The following STAB1 variants were observed in gnomAD, a reference collection of about 807,000 sequenced individuals.
STAB1 encodes stabilin 1, also known as stabilin-1.
STAB1 carries 250 observed loss-of-function variants against 332.4 expected under a neutral mutation model. That is an observed-to-expected ratio of 0.75 (90% CI 0.68 to 0.84). STAB1 has a LOEUF of 0.84. Ranked by LOEUF, STAB1 falls within the 40% of genes least tolerant of loss-of-function variation. The probability of loss-of-function intolerance (pLI) is 0.00; values close to 1 mark genes in which losing one functional copy is unlikely to be tolerated. For synonymous variants in STAB1, 1,475 were observed against 1,390.4 expected (o/e 1.06, Z -1.35); for missense variants, 3,249 against 3,489.7 (o/e 0.93, Z 1.74).
Position 52,516,986 on chromosome 3 carries a change from G to A in STAB1, c.4366G>A (p.Val1456Met), listed in dbSNP as rs1352115870. ...YSGNGIFCSE[V>M]DPCAHGHGGC... ...ACTCTCTGGCCATCTCCCCTTAGAG[G>A]TGGACCCCTGCGCCCACGGCCATGG... The change falls in exon 42 of 69, where the codon GTG becomes ATG. Residue 1456 changes from valine (V) to methionine (M), a missense_variant and splice_region_variant. By Grantham distance (21) the Val-to-Met change is conservative (BLOSUM62 1). Transcript: ENST00000321725. The A allele has an allele frequency of 1.2e-6, 2 of 1,610,528 alleles. No homozygotes were observed. The highest frequency in any genetic ancestry group is 1.7e-5 in the Admixed American group (1 of 59,796).
rs143235979 is a variant in STAB1 at position 52,524,190 on chromosome 3, G to A, written c.7633G>A (p.Asp2545Asn). The change falls in exon 68 of 69, where the codon GAC (aspartate) becomes AAC (asparagine). Residue 2545 changes from aspartate to asparagine, a missense_variant. By Grantham distance (23) the Asp-to-Asn change is conservative. Transcript: ENST00000321725. ...VSVPNPVFGS[D>N]TFCEPFDDSL... ...TGTCCCCAACCCTGTCTTTGGCAGC[G>A]ACACCTTTTGTGAACCCTTCGATGT... is the stretch of plus-strand genomic sequence containing the variant. 1.2e-4 allele frequency: 195 copies of A among 1,613,988 alleles called. No homozygotes were observed. Among genetic ancestry groups the A allele is most frequent in the Middle Eastern group, 3.3e-4 (2 of 6,084 alleles).
intron 9 of STAB1, 40 bp from the exon 10 acceptor site, chr3:52,503,988 C>T: frequency 6.2e-7 from 1 of 1,609,130 alleles, no homozygotes; most frequent in Non-Finnish European, 8.5e-7. Flanking sequence ...GTGGGGGGGG[C>T]CTCAGCCTCC....
At chr3:52,509,080 AT>A in intron 21 of STAB1, 129 bp from the exon 22 acceptor site, 1 of 788,810 alleles carries the variant, frequency 1.3e-6, no homozygotes, top group South Asian at 1.9e-5. Flanking sequence ...GATTTTGAAG[AT>A]CCCTTCCAGG....
Position 52,504,472 on chromosome 3 carries a change from C to T in STAB1, c.1162C>T (p.Arg388Trp), listed in dbSNP as rs200617606. 3.8e-5 allele frequency: 62 copies of T among 1,614,020 alleles called. No homozygotes were observed. The highest frequency in any genetic ancestry group is 2.9e-4 in the African/African-American group (22 of 75,056). The stretch of plus-strand genomic sequence containing the variant: ...ACCCTGCCCCCCAGACCAGGGCTGC[C>T]GGGAAATCCTTACCACAGCGGGCCC... ...VAVAMMDQGCREILTTAGPFT... is the reference protein window; with the variant it reads ...VAVAMMDQGCWEILTTAGPFT... The change falls in exon 11 of 69, where the codon CGG becomes TGG. Residue 388 changes from arginine to tryptophan, a missense_variant. Coordinates refer to ENST00000321725, the MANE Select transcript of STAB1 (RefSeq NM_015136.3).
chr3:52,502,289 A>G, intron 5 of STAB1, 61 bp downstream of exon 5: 1 of 1,563,452 alleles, frequency 6.4e-7, no homozygotes, highest in Admixed American at 1.7e-5. Context: ...ACGCAGATGC[A>G]GTACCTACAA....
intron 6 of STAB1, 23 bp downstream of exon 6, chr3:52,502,750 C>T (rs1708546113): frequency 6.2e-7 from 1 of 1,603,018 alleles, no homozygotes; most frequent in Non-Finnish European, 8.5e-7. Flanking sequence ...ACTGGGATAG[C>T]CTAGGGCAGC....
rs758290585 is a variant in STAB1, at chr3:52,520,663, C to G, written c.5671C>G (p.Leu1891Val). The part of the protein sequence containing the change: ...LRLNTCSICG[L>V]EPPCPEGSQE... ...CCAGAACACCTGCAGCATCTGTGGG[C>G]TGGAGCCACCCTGTCCTGAGGGGTC... The change falls in exon 54 of 69, where the codon CTG (leucine) becomes GTG (valine). Residue 1891 changes from leucine (L) to valine (V), a missense_variant. Coordinates refer to ENST00000321725, the MANE Select transcript of STAB1 (RefSeq NM_015136.3). 6.3e-7 allele frequency: 1 copy of G among 1,588,588 alleles called. No homozygotes were observed. The highest frequency in any genetic ancestry group is 8.6e-7 in the Non-Finnish European group (1 of 1,168,650).
At chr3:52,497,016 T>A (rs997186204) in intron 1 of STAB1, among the ~76,000 whole-genome samples, 5 of 152,232 alleles carry the variant, frequency 3.3e-5, no homozygotes, top group Non-Finnish European at 7.3e-5. Context: ...ACTTTTTTTC[T>A]TTTGAGGTGG....
chr3:52,511,544 TG>T, intron 25 of STAB1, 105 bp from the exon 26 acceptor site: 3 of 1,021,760 alleles, frequency 2.9e-6, no homozygotes, highest in Non-Finnish European at 4.3e-6. Flanking sequence ...CTCTGGGGTC[TG>T]GGCAGACCTC....
At chr3:52,509,546 A>G in intron 22 of STAB1, 1 of 593,704 alleles carries the variant, frequency 1.7e-6, no homozygotes, top group African/African-American at 1.9e-5. Flanking sequence ...ATTTGAGAAC[A>G]GAAAGGAGAT....
In STAB1 at chr3:52,522,916, G is replaced by A. The variant is rs1189958165; in HGVS notation, c.6886G>A (p.Asp2296Asn). 6.2e-7 allele frequency: 1 copy of A among 1,613,210 alleles called. No individual in the cohort carries two copies. The highest frequency in any genetic ancestry group is 2.2e-5 in the East Asian group (1 of 44,892). ...CCGCAAGAACCTCTCAGAACGCTGG[G>A]ATGCCTACTGCTTCCGTGTGCAAGG... is the stretch of plus-strand genomic sequence containing the variant. Reference protein sequence around the residue: ...GARKNLSERWDAYCFRVQDVA... With the variant: ...GARKNLSERWNAYCFRVQDVA... The change falls in exon 62 of 69, where the codon GAT (aspartate) becomes AAT (asparagine). Residue 2296 changes from aspartate (D) to asparagine (N), a missense_variant. Transcript: ENST00000321725.
In STAB1 at chr3:52,495,426, C is replaced by G; in HGVS notation, c.13C>G (p.Arg5Gly). 4.5e-6 allele frequency: 6 copies of G among 1,341,414 alleles called. No individual in the cohort carries two copies. Among genetic ancestry groups the G allele is most frequent in the Non-Finnish European group, 5.8e-6 (6 of 1,039,540 alleles). 83.1% of individuals were successfully genotyped at this position (1,341,414 alleles called of 1,614,324 possible). ...GTGCCCACCAGCCATGGCGGGGCCC[C>G]GGGGCCTCCTCCCACTCTGCCTCCT... The part of the protein sequence containing the change: MAGP[R>G]GLLPLCLLAF... Residue 5 changes from arginine to glycine, a missense_variant, in exon 1 of 69, where the codon CGG becomes GGG. Physicochemically the swap from Arg to Gly is moderately radical, Grantham distance 125. Transcript: ENST00000321725.
At position 52,522,070 on chromosome 3, in the gene STAB1, GCA is replaced by G; in HGVS notation, c.6306_6307del (p.Cys2102TrpfsTer2). ...CTGTGCCAGGACGGGCATGGTGGCT[GCA>G]GTGAGCACGCCAACTGTAGCCAGGT... On this transcript the variant is annotated frameshift_variant, in exon 59 of 69. Coordinates refer to ENST00000321725, the MANE Select transcript of STAB1 (RefSeq NM_015136.3). LOFTEE classifies it high-confidence loss of function. 1.2e-6 allele frequency: 2 copies of G among 1,613,338 alleles called. No individual in the cohort carries two copies. The highest frequency in any genetic ancestry group is 1.7e-6 in the Non-Finnish European group (2 of 1,180,006).
At chr3:52,497,372 G>A (rs1398196783) in intron 1 of STAB1, among the ~76,000 whole-genome samples, 3 of 151,430 alleles carry the variant, frequency 2.0e-5, no homozygotes, top group South Asian at 4.2e-4. Flanking sequence ...AAGGTATACG[G>A]GAGGATGTGC....
rs567909081 is a variant in STAB1 at position 52,513,258 on chromosome 3, G to A, written c.3270+17G>A. 6.4e-7 allele frequency: 1 copy of A among 1,552,314 alleles called. No homozygotes were observed. The highest frequency in any genetic ancestry group is 1.4e-5 in the African/African-American group (1 of 73,712). ...ATTAGTGGGGTATGTGGTGAACTCT[G>A]GGCAGAAAAGGGGACCAGGTAGGGC... On this transcript the variant is annotated intron_variant, in intron 30 of 68. Coordinates refer to ENST00000321725, the MANE Select transcript of STAB1 (RefSeq NM_015136.3).
rs186550291 is a variant in STAB1, at chr3:52,496,509, C to G, written c.78+1018C>G. ...TTTCTCTTGGATGCCTGTGGTCCCT[C>G]AGAGAGGCAGCAGGGAGAAGGGCCT... On this transcript the variant is annotated intron_variant, in intron 1 of 68. Transcript: ENST00000321725. Among the ~76,000 whole-genome samples, 31 of 152,312 alleles carry G rather than the reference C, an allele frequency of 2.0e-4. 1 individual carries two copies. Among genetic ancestry groups the G allele is most frequent in the Admixed American group, 1.1e-3 (17 of 15,310 alleles).
At position 52,508,362 on chromosome 3, in the gene STAB1, G is replaced by A; in HGVS notation, c.2235+3G>A. ...ACCCCTGCTATGGCAAAGGCAATGT[G>A]AGTCCCATCCTCTCCTGGGGTGAGG... On this transcript the variant is annotated splice_donor_region_variant and intron_variant, in intron 21 of 68. Transcript: ENST00000321725. The A allele has an allele frequency of 1.2e-6, 2 of 1,613,570 alleles. No homozygotes were observed. The highest frequency in any genetic ancestry group is 1.7e-6 in the Non-Finnish European group (2 of 1,179,968).
In STAB1 at chr3:52,514,704, G is replaced by C. The variant is rs1363066498; in HGVS notation, c.3682G>C (p.Glu1228Gln). The change falls in exon 35 of 69, where the codon GAG (glutamate) becomes CAG (glutamine). Residue 1228 changes from glutamate to glutamine, a missense_variant. Coordinates refer to ENST00000321725, the MANE Select transcript of STAB1 (RefSeq NM_015136.3). The part of the protein sequence containing the change: ...IVFYNHSGQP[E>Q]VNHVPLEGPM... ...CAGCCTCCATCCCTCTCCCCAGCCT[G>C]AGGTGAACCATGTGCCACTGGAAGG... is the stretch of plus-strand genomic sequence containing the variant. 3 of 1,612,976 alleles carry C rather than the reference G, an allele frequency of 1.9e-6. No homozygotes were observed.
intron 45 of STAB1, 52 bp from the exon 46 acceptor site, chr3:52,518,260 C>T: frequency 6.2e-7 from 1 of 1,605,964 alleles, no homozygotes; most frequent in Non-Finnish European, 8.5e-7. Context: ...GGACAGGCAC[C>T]AGGCCCTGAA....
Sources: gnomAD v4.1 joint callset for allele counts (sites outside exome capture counted in the v4.1 genomes callset) on GRCh38, gnomAD v4.1.1 for gene constraint, MANE v1.5 for transcripts, NCBI Gene and HGNC (gene_info 2026-07-23, HGNC 2026-07-21) for gene names.